The following LMO7 variants were observed in gnomAD, a reference collection of about 807,000 sequenced individuals.
LMO7 encodes the protein LIM domain only protein 7.
A neutral mutation model predicts 206.5 loss-of-function variants in LMO7; 120 were observed. The ratio of observed to expected loss-of-function variants is 0.58; its 90% CI spans 0.50 to 0.68. LMO7 has a LOEUF of 0.68. Among genes scored for constraint, LMO7 ranks in the 30% least tolerant of loss-of-function variants. LMO7 has a pLI of 0.00. For missense variants in LMO7, 1,959 were observed against 1,957.9 expected, an observed-to-expected ratio of 1.00 and a Z score of -0.01; for synonymous variants, 706 against 681.5, an observed-to-expected ratio of 1.04 and a Z score of -0.56.
intron 4 of LMO7, among the ~76,000 whole-genome samples, chr13:75,762,858 T>C (rs1385796143): frequency 6.6e-6 from 1 of 152,100 alleles, no homozygotes; most frequent in Non-Finnish European, 1.5e-5. Context: ...GGGTTGACCC[T>C]GGGTATGCTG....
At chr13:75,750,390 T>C (rs2139413866) in intron 3 of LMO7, among the ~76,000 whole-genome samples, 1 of 150,574 alleles carries the variant, frequency 6.6e-6, no homozygotes, top group South Asian at 2.1e-4. Context: ...TTTTTTTTTT[T>C]TTTTTTTTTC....
chr13:75,827,679 G>A (rs1278812091), intron 15 of LMO7, among the ~76,000 whole-genome samples: 1 of 152,084 alleles, frequency 6.6e-6, no homozygotes, highest in East Asian at 1.9e-4. Context: ...TGCAGATGTG[G>A]TTTTCATGAT....
chr13:75,848,024 C>T (rs1411307115), intron 26 of LMO7, among the ~76,000 whole-genome samples: 1 of 152,132 alleles, frequency 6.6e-6, no homozygotes, highest in Non-Finnish European at 1.5e-5. Context: ...ACATCAACTC[C>T]ATCTCTCCTC....
At chr13:75,847,938 G>A (rs1453014560) in intron 26 of LMO7, among the ~76,000 whole-genome samples, 1 of 151,354 alleles carries the variant, frequency 6.6e-6, no homozygotes, top group Non-Finnish European at 1.5e-5. Flanking sequence ...AAGCTGCACT[G>A]CCATGGGCGA....
intron 1 of LMO7, among the ~76,000 whole-genome samples, chr13:75,670,042 G>A (rs911692954): frequency 1.3e-5 from 2 of 152,132 alleles, no homozygotes; most frequent in Non-Finnish European, 2.9e-5. Context: ...CCTTTTATAG[G>A]CCCTTATAAC....
At chr13:75,771,152 T>C (rs2049602512) in intron 4 of LMO7, among the ~76,000 whole-genome samples, 1 of 152,100 alleles carries the variant, frequency 6.6e-6, no homozygotes, top group East Asian at 1.9e-4. Flanking sequence ...TCTGAGTTTG[T>C]GAACTAAGTT....
intron 3 of LMO7, among the ~76,000 whole-genome samples, chr13:75,731,045 C>T (rs1399361592): frequency 1.3e-5 from 2 of 151,610 alleles, no homozygotes; most frequent in African/African-American, 4.9e-5. Context: ...AGCTTTACTT[C>T]CAACTATGTG....
intron 1 of LMO7, among the ~76,000 whole-genome samples, chr13:75,672,659 A>C (rs530737269): frequency 6.6e-6 from 1 of 152,266 alleles, no homozygotes; most frequent in Admixed American, 6.5e-5. Context: ...CCAGCTGCTC[A>C]GTTGTTGCTT....
intron 3 of LMO7, among the ~76,000 whole-genome samples, chr13:75,750,679 G>A (rs1456661886): frequency 1.3e-5 from 2 of 152,184 alleles, no homozygotes; most frequent in African/African-American, 4.8e-5. Context: ...TTAGAGGCAT[G>A]AACCACCACT....
intron 3 of LMO7, among the ~76,000 whole-genome samples, chr13:75,733,639 T>C (rs749813541): frequency 4.1e-5 from 2 of 48,774 alleles, no homozygotes; most frequent in Non-Finnish European, 8.7e-5. Flanking sequence ...CCCACTGTCC[T>C]GCGCCCACTG....
rs1017066732 is a variant in LMO7 at position 75,808,337 on chromosome 13, T to G, written c.1916+138T>G. 22 of 1,045,666 alleles carry G rather than the reference T, an allele frequency of 2.1e-5. No individual in the cohort carries two copies. In the African/African-American group the frequency reaches 3.4e-4, roughly 16 times the overall value. The allele number at this position is 1,045,666 out of a possible 1,614,324, so 64.8% of individuals were successfully genotyped here. On this transcript the variant is annotated intron_variant, in intron 10 of 30. Transcript: ENST00000377534. ...TTGAAGCATCCCGTAAAATTTAATT[T>G]GCTTTGAAAAACCCTCAGTCGTTTT...
chr13:75,671,587 C>G (rs1287391933), intron 1 of LMO7, among the ~76,000 whole-genome samples: 1 of 152,126 alleles, frequency 6.6e-6, no homozygotes, highest in Admixed American at 6.6e-5. Flanking sequence ...CCTTCTAGCC[C>G]TCATGAAGCT....
At chr13:75,732,120 G>A (rs146831483) in intron 3 of LMO7, among the ~76,000 whole-genome samples, 4 of 152,060 alleles carry the variant, frequency 2.6e-5, no homozygotes, top group East Asian at 3.9e-4. Context: ...TGCTCTTCTC[G>A]AGGAGTATCT....
chr13:75,777,732 G>A (rs1205275793), intron 4 of LMO7, among the ~76,000 whole-genome samples: 1 of 144,916 alleles, frequency 6.9e-6, no homozygotes, highest in Non-Finnish European at 1.5e-5. Context: ...TGCAAGCTCC[G>A]CCTCCCGGGT....
At chr13:75,829,659 G>A (rs1023454947) in intron 15 of LMO7, among the ~76,000 whole-genome samples, 5 of 151,704 alleles carry the variant, frequency 3.3e-5, no homozygotes, top group African/African-American at 9.7e-5. Context: ...GAAAAAATTC[G>A]AGGAGTGTAG....
intron 4 of LMO7, among the ~76,000 whole-genome samples, chr13:75,765,716 G>T (rs905971604): frequency 1.3e-5 from 2 of 152,078 alleles, no homozygotes; most frequent in African/African-American, 4.8e-5. Flanking sequence ...GAACGGTTGT[G>T]GGATATGAGG....
At chr13:75,780,054 A>C (rs2051083817) in intron 4 of LMO7, among the ~76,000 whole-genome samples, 2 of 152,204 alleles carry the variant, frequency 1.3e-5, no homozygotes, top group South Asian at 4.1e-4. Context: ...CACAGAGATC[A>C]CATGCTTCAA....
intron 16 of LMO7, among the ~76,000 whole-genome samples, chr13:75,833,490 C>T (rs1051469457): frequency 1.3e-5 from 2 of 152,122 alleles, no homozygotes; most frequent in African/African-American, 4.8e-5. Flanking sequence ...TTTCCATGAT[C>T]AGCCATGCTT....
intron 10 of LMO7, among the ~76,000 whole-genome samples, chr13:75,808,588 GT>G (rs1163380639): frequency 6.6e-6 from 1 of 152,100 alleles, no homozygotes; most frequent in Non-Finnish European, 1.5e-5. Context: ...TTTTGGGGGG[GT>G]GAAATTTTCC....
Sources: gnomAD v4.1 joint callset for allele counts (sites outside exome capture counted in the v4.1 genomes callset) on GRCh38, gnomAD v4.1.1 for gene constraint, MANE v1.5 for transcripts, NCBI Gene and HGNC (gene_info 2026-07-23, HGNC 2026-07-21) for gene names.